TNS3: variants seen among roughly 807,000 people sequenced by gnomAD.
TNS3 encodes the protein tensin-3.
A neutral mutation model predicts 140.9 loss-of-function variants in TNS3; 45 were observed. That is an observed-to-expected ratio of 0.32 (90% CI 0.25 to 0.41). The LOEUF is 0.41. Among genes scored for constraint, TNS3 ranks in the 10% least tolerant of loss-of-function variants. The probability of loss-of-function intolerance (pLI) is 1.00; values close to 1 mark genes in which losing one functional copy is unlikely to be tolerated. For synonymous variants in TNS3, 815 were observed against 788.4 expected (o/e 1.03, Z -0.56); for missense variants, 1,716 against 1,906.7 (o/e 0.90, Z 1.86).
chr7:47,429,039 T>C (rs1405198667), intron 8 of TNS3, among the ~76,000 whole-genome samples: 1 of 152,176 alleles, frequency 6.6e-6, no homozygotes, highest in African/African-American at 2.4e-5. Context: ...TGCCACCTTC[T>C]AGAACATACT....
chr7:47,524,764 T>TGCAGTCC (rs1177479084), intron 2 of TNS3, among the ~76,000 whole-genome samples: 1 of 123,870 alleles, frequency 8.1e-6, no homozygotes, highest in Non-Finnish European at 1.6e-5. Context: ...ATCGCGCCAC[T>TGCAGTCC]GCAGTCCGCA....
intron 3 of TNS3, among the ~76,000 whole-genome samples, chr7:47,484,060 A>G (rs1296359189): frequency 6.6e-6 from 1 of 152,248 alleles, no homozygotes; most frequent in African/African-American, 2.4e-5. Context: ...AATGGCAGGC[A>G]GCCTTGCCCT....
chr7:47,556,404 T>A (rs989965439), intron 1 of TNS3, among the ~76,000 whole-genome samples: 4 of 152,122 alleles, frequency 2.6e-5, no homozygotes, highest in Non-Finnish European at 5.9e-5. Flanking sequence ...CTCCAGGCCA[T>A]CTGGGGACAA....
chr7:47,489,220 C>T (rs1177009886), intron 3 of TNS3, among the ~76,000 whole-genome samples: 1 of 152,036 alleles, frequency 6.6e-6, no homozygotes, highest in Non-Finnish European at 1.5e-5. Context: ...GGGACAGGAG[C>T]GGAAGAGAAA....
At chr7:47,448,765 C>A (rs955701983) in intron 4 of TNS3, among the ~76,000 whole-genome samples, 1 of 152,218 alleles carries the variant, frequency 6.6e-6, no homozygotes, top group Non-Finnish European at 1.5e-5. Context: ...GCGTAAGCCA[C>A]CGCTCCCAGC....
chr7:47,429,233 A>T (rs778893456), intron 8 of TNS3, among the ~76,000 whole-genome samples: 2 of 152,236 alleles, frequency 1.3e-5, no homozygotes, highest in Non-Finnish European at 2.9e-5. Context: ...TCAGTGTCCA[A>T]ACACAAAGTT....
At chr7:47,381,977 T>C (rs977527232) in intron 16 of TNS3, among the ~76,000 whole-genome samples, 2 of 152,208 alleles carry the variant, frequency 1.3e-5, no homozygotes, top group Non-Finnish European at 2.9e-5. Context: ...TACAACGCAA[T>C]GAATGTCCGA....
chr7:47,396,709 T>C, intron 16 of TNS3, 91 bp downstream of exon 16: 1 of 1,101,946 alleles, frequency 9.1e-7, no homozygotes. Context: ...TTTTTCTTCT[T>C]AGCAGACTGC....
intron 3 of TNS3, 54 bp from the exon 4 acceptor site, chr7:47,481,195 G>A: frequency 2.4e-6 from 3 of 1,261,982 alleles, no homozygotes; most frequent in Non-Finnish European, 3.1e-6. Context: ...GAAAAAATTA[G>A]CATAATAATC....
chr7:47,294,528 C>T (rs1199267039), intron 24 of TNS3, among the ~76,000 whole-genome samples: 2 of 152,168 alleles, frequency 1.3e-5, no homozygotes. Context: ...TCCAACAGAC[C>T]TTCACAGTGT....
intron 1 of TNS3, among the ~76,000 whole-genome samples, chr7:47,571,527 C>T (rs112293410): frequency 0.13 from 8,552 of 65,690 alleles, 806 homozygotes; most frequent in African/African-American, 0.32. Context: ...TGACAAGAGG[C>T]GAAACCGTGC....
At chr7:47,545,093 G>A (rs940623880) in intron 1 of TNS3, among the ~76,000 whole-genome samples, 24 of 151,472 alleles carry the variant, frequency 1.6e-4, no homozygotes, top group African/African-American at 5.6e-4. Flanking sequence ...TGTTGTGCCT[G>A]GCCTTTTAAA....
chr7:47,533,240 C>G (rs1167521240), intron 1 of TNS3, among the ~76,000 whole-genome samples: 2 of 147,008 alleles, frequency 1.4e-5, no homozygotes, highest in Non-Finnish European at 3.0e-5. Context: ...TCAAGCAATT[C>G]TCTGCCTCAG....
At chr7:47,557,689 C>T (rs1800230983) in intron 1 of TNS3, among the ~76,000 whole-genome samples, 1 of 152,130 alleles carries the variant, frequency 6.6e-6, no homozygotes, top group Non-Finnish European at 1.5e-5. Flanking sequence ...TAATTGGAGG[C>T]GCTGGGGACA....
At chr7:47,402,111 A>G (rs1173371295) in intron 13 of TNS3, among the ~76,000 whole-genome samples, 1 of 152,226 alleles carries the variant, frequency 6.6e-6, no homozygotes, top group Admixed American at 6.5e-5. Flanking sequence ...TAACCAGATG[A>G]ACATCCACCA....
chr7:47,557,936 C>CTGCG (rs929243719), intron 1 of TNS3, among the ~76,000 whole-genome samples: 3 of 152,198 alleles, frequency 2.0e-5, no homozygotes, highest in East Asian at 1.9e-4. Context: ...TTCCAGAGGG[C>CTGCG]TGCGTAGAAG....
intron 4 of TNS3, among the ~76,000 whole-genome samples, chr7:47,454,134 C>A (rs1256734132): frequency 6.6e-6 from 1 of 152,060 alleles, no homozygotes; most frequent in Non-Finnish European, 1.5e-5. Flanking sequence ...GCAGGGTGTT[C>A]TGGGGGCGCC....
At chr7:47,306,694 C>T (rs1786776848) in intron 20 of TNS3, among the ~76,000 whole-genome samples, 1 of 152,168 alleles carries the variant, frequency 6.6e-6, no homozygotes, top group Admixed American at 6.5e-5. Flanking sequence ...CCTGCCTCGG[C>T]CTCCCGAGTA....
chr7:47,368,796 G>A lies in TNS3; in HGVS notation c.1850C>T (p.Ala617Val), dbSNP rs1790868017. 6.2e-7 allele frequency: 1 copy of A among 1,606,980 alleles called. No homozygotes were observed. The highest frequency in any genetic ancestry group is 1.3e-5 in the African/African-American group (1 of 75,004). The part of the protein sequence containing the change: ...GEARLVSRCP[A>V]DNPGLVQAQP... ...GGCCTGGACGAGGCCAGGATTGTCT[G>A]CAGGGCAGCGGCTCACCAGCCGGGC... Residue 617 changes from alanine to valine, a missense_variant, in exon 17 of 31, where the codon GCA (alanine) becomes GTA (valine). This residue lies in a region of TNS3 where 1,163 missense variants were observed against 1,182.1 expected (regional missense o/e 0.98). Coordinates refer to ENST00000311160, the MANE Select transcript of TNS3 (RefSeq NM_022748.12).
Sources: gnomAD v4.1 joint callset for allele counts (sites outside exome capture counted in the v4.1 genomes callset) on GRCh38, gnomAD v4.1.1 for gene constraint, gnomAD v4.1.1 regional missense constraint, MANE v1.5 for transcripts, NCBI Gene and HGNC (gene_info 2026-07-23, HGNC 2026-07-21) for gene names.